Variants in KIF26B observed in about 807,000 individuals in gnomAD.
KIF26B encodes the protein kinesin-like protein KIF26B.
Under a neutral mutation model 151.2 loss-of-function variants are expected in KIF26B, and 63 were observed. The ratio of observed to expected loss-of-function variants is 0.42; its 90% CI spans 0.34 to 0.51. The LOEUF is 0.51. Ranked by LOEUF, KIF26B falls within the 20% of genes least tolerant of loss-of-function variation. The pLI is 0.07. For missense variants in KIF26B, 2,813 were observed against 2,913.6 expected (o/e 0.97, Z 0.79); for synonymous variants, 1,357 against 1,262.1 (o/e 1.08, Z -1.59).
rs1286767364 is a variant in KIF26B at position 245,686,368 on chromosome 1, G to A, written c.3385G>A (p.Val1129Ile). Residue 1129 changes from valine to isoleucine, a missense_variant, in exon 12 of 15, where the codon GTT becomes ATT. Coordinates refer to ENST00000407071, the MANE Select transcript of KIF26B (RefSeq NM_018012.4). This position sits in a 1 kb window ranked among gnomAD's most constrained non-coding sequence, Gnocchi z 5.6. ...GCAGCCCGAGGTGCGTACGCCCCCG[G>A]TTGGAATGAGCCCCCAGGTTTTGAA... ...LLQPEVRTPPVGMSPQVLKKS... is the reference protein window; with the variant it reads ...LLQPEVRTPPIGMSPQVLKKS... 6.2e-7 allele frequency: 1 copy of A among 1,613,300 alleles called. No individual in the cohort carries two copies. The highest frequency in any genetic ancestry group is 1.3e-5 in the African/African-American group (1 of 74,920).
At chr1:245,473,623 G>A (rs938540012) in intron 4 of KIF26B, among the ~76,000 whole-genome samples, 3 of 151,892 alleles carry the variant, frequency 2.0e-5, no homozygotes, top group Non-Finnish European at 2.9e-5. Flanking sequence ...GAACCACTCA[G>A]TGCCCGCAAC....
At chr1:245,428,112 A>C (rs777576497) in intron 4 of KIF26B, among the ~76,000 whole-genome samples, 5 of 152,128 alleles carry the variant, frequency 3.3e-5, no homozygotes, top group African/African-American at 1.2e-4. Context: ...CAGGACATAG[A>C]TCTTTGAAGG....
At chr1:245,235,440 A>C (rs934315182) in intron 2 of KIF26B, among the ~76,000 whole-genome samples, 1 of 152,058 alleles carries the variant, frequency 6.6e-6, no homozygotes, top group East Asian at 1.9e-4. Flanking sequence ...AAAAAAAAGA[A>C]AAATTAGCCA....
At chr1:245,639,513 G>A (rs1042005625) in intron 9 of KIF26B, among the ~76,000 whole-genome samples, 23 of 151,484 alleles carry the variant, frequency 1.5e-4, no homozygotes, top group Non-Finnish European at 3.1e-4. Context: ...CTAATTTTAG[G>A]TTTGGTTTGT....
chr1:245,300,592 G>A (rs562233328), intron 2 of KIF26B, among the ~76,000 whole-genome samples: 46 of 150,838 alleles, frequency 3.0e-4, no homozygotes, highest in Admixed American at 2.0e-3. Context: ...ACGGTGGCAC[G>A]ATCTTGGCTC....
chr1:245,157,531 G>A (rs540201854), intron 2 of KIF26B, among the ~76,000 whole-genome samples: 4 of 152,350 alleles, frequency 2.6e-5, no homozygotes, highest in African/African-American at 9.6e-5. Context: ...GAAATACTGT[G>A]ATTTCGAGTA....
intron 4 of KIF26B, among the ~76,000 whole-genome samples, chr1:245,525,295 A>C (rs181920103): frequency 2.0e-5 from 3 of 152,326 alleles, no homozygotes; most frequent in Non-Finnish European, 4.4e-5. Context: ...GAAGAATCTT[A>C]TATATTTCTA....
Position 245,334,928 on chromosome 1 carries a change from G to T in KIF26B, c.466-31906G>T, listed in dbSNP as rs114071020. On this transcript the variant is annotated intron_variant, in intron 2 of 14. Transcript: ENST00000407071. ...GACCGAGTCTACACATGTATTAGGTGTCGGAGTTGGGATTTGAACCCAGGT... is the reference window on the plus strand; with the variant it reads ...GACCGAGTCTACACATGTATTAGGTTTCGGAGTTGGGATTTGAACCCAGGT... 4.2e-3 allele frequency among the ~76,000 whole-genome samples: 633 copies of T among 152,312 alleles called. 4 individuals are homozygous for T. Among genetic ancestry groups the T allele is most frequent in the African/African-American group, 0.014 (592 of 41,562 alleles).
chr1:245,372,207 G>C (rs544800972), intron 3 of KIF26B, among the ~76,000 whole-genome samples: 3 of 152,298 alleles, frequency 2.0e-5, no homozygotes, highest in East Asian at 3.9e-4. Context: ...AACTGTGCAT[G>C]TGAGGGATCT....
chr1:245,645,949 T>C (rs1452095532), intron 9 of KIF26B, 172 bp from the exon 10 acceptor site: 4 of 621,524 alleles, frequency 6.4e-6, no homozygotes, highest in Non-Finnish European at 1.1e-5. Flanking sequence ...AGAGGACCAA[T>C]GCTATTTGCA....
intron 2 of KIF26B, among the ~76,000 whole-genome samples, chr1:245,300,534 C>CTTT (rs199923880): frequency 2.8e-5 from 4 of 144,800 alleles, no homozygotes; most frequent in African/African-American, 7.6e-5. Flanking sequence ...TTTCTTTTTT[C>CTTT]TTTTTTTTTT....
rs187907237 is a variant in KIF26B, at chr1:245,220,558, C to T, written c.465+63875C>T. ...AGTGCGCCTCACTAGTCAGGCACCC[C>T]GAAGGAGTAAGGCATGTGACTGTAC... is the stretch of plus-strand genomic sequence containing the variant. On this transcript the variant is annotated intron_variant, in intron 2 of 14. Transcript: ENST00000407071. Among the ~76,000 whole-genome samples, 506 of 152,132 alleles carry T rather than the reference C, an allele frequency of 3.3e-3. 4 individuals carry two copies. The highest frequency in any genetic ancestry group is 0.012 in the African/African-American group (489 of 41,490).
At chr1:245,379,108 T>A (rs1419750030) in intron 3 of KIF26B, among the ~76,000 whole-genome samples, 1 of 152,216 alleles carries the variant, frequency 6.6e-6, no homozygotes. Context: ...ACCAATTTCA[T>A]AAAGTGAATA....
intron 2 of KIF26B, among the ~76,000 whole-genome samples, chr1:245,228,479 T>C (rs1359874822): frequency 6.6e-6 from 1 of 151,796 alleles, no homozygotes; most frequent in Non-Finnish European, 1.5e-5. Flanking sequence ...GGCAGGAGAA[T>C]TGCTTGAAAC....
intron 2 of KIF26B, among the ~76,000 whole-genome samples, chr1:245,263,996 C>T (rs1386477289): frequency 6.6e-6 from 1 of 152,190 alleles, no homozygotes; most frequent in Non-Finnish European, 1.5e-5. Context: ...ATGGCAGCTT[C>T]TAAGTTATTA....
intron 2 of KIF26B, among the ~76,000 whole-genome samples, chr1:245,278,016 G>A (rs1385140156): frequency 1.3e-5 from 2 of 152,108 alleles, no homozygotes; most frequent in Non-Finnish European, 2.9e-5. Flanking sequence ...AATTAGGAAG[G>A]GGTGGGGTGA....
chr1:245,311,315 C>T (rs1016611295), intron 2 of KIF26B, among the ~76,000 whole-genome samples: 3 of 152,076 alleles, frequency 2.0e-5, no homozygotes, highest in African/African-American at 4.8e-5. Context: ...GTTGTCACAG[C>T]GATGAATGTG....
chr1:245,234,552 G>A (rs1670067434), intron 2 of KIF26B: 1 of 152,522 alleles, frequency 6.6e-6, no homozygotes, highest in African/African-American at 2.4e-5. Context: ...TCCCAGTGTG[G>A]TGAGGCGTGC....
At chr1:245,694,556 T>C (rs1256528296) in intron 12 of KIF26B, among the ~76,000 whole-genome samples, 1 of 152,106 alleles carries the variant, frequency 6.6e-6, no homozygotes, top group Non-Finnish European at 1.5e-5. Context: ...GTGTGGGGAC[T>C]TCTGTCTGGA....
Sources: allele counts gnomAD v4.1 joint callset (sites outside exome capture counted in the v4.1 genomes callset), GRCh38; gene constraint gnomAD v4.1.1; non-coding constraint Gnocchi (gnomAD v3.1); transcripts MANE v1.5; gene names NCBI Gene and HGNC (gene_info 2026-07-23, HGNC 2026-07-21).